CCDC47: variants seen among roughly 807,000 people sequenced by gnomAD.
The protein encoded by CCDC47 is PAT complex subunit CCDC47.
CCDC47 carries 41 observed loss-of-function variants against 60.5 expected under a neutral mutation model. That is an observed-to-expected ratio of 0.68 (90% CI 0.53 to 0.88). CCDC47 has a LOEUF of 0.88. Among genes scored for constraint, CCDC47 ranks in the 40% least tolerant of loss-of-function variants. CCDC47 has a pLI of 0.00. For missense variants in CCDC47, 513 were observed against 580.9 expected, an observed-to-expected ratio of 0.88 and a Z score of 1.20; for synonymous variants, 195 against 190.7, an observed-to-expected ratio of 1.02 and a Z score of -0.18.
Position 63,766,084 on chromosome 17 carries a change from A to G in CCDC47, c.92T>C (p.Ile31Thr). 6.2e-7 allele frequency: 1 copy of G among 1,614,062 alleles called. No individual in the cohort carries two copies. The highest frequency in any genetic ancestry group is 1.1e-5 in the South Asian group (1 of 91,076). ...GAAGTCATTATCATCATACTCTACT[A>G]TGTCCTCCTCATCCTCAAAATCATC... ...KFDDFEDEEDIVEYDDNDFAE... is the reference protein window; with the variant it reads ...KFDDFEDEEDTVEYDDNDFAE... Residue 31 changes from isoleucine (I) to threonine (T), a missense_variant, in exon 2 of 13, where the codon ATA (isoleucine) becomes ACA (threonine). Transcript: ENST00000225726.
intron 6 of CCDC47, among the ~76,000 whole-genome samples, chr17:63,759,980 CT>C (rs988596778): frequency 2.0e-3 from 284 of 144,106 alleles, no homozygotes; most frequent in African/African-American, 7.0e-3. Context: ...AGGAGAATTA[CT>C]TGAATCCAGG....
chr17:63,767,543 G>A (rs1848463949), intron 1 of CCDC47, among the ~76,000 whole-genome samples: 1 of 151,964 alleles, frequency 6.6e-6, no homozygotes, highest in South Asian at 2.1e-4. Flanking sequence ...CATTTAGGCT[G>A]TATTTCCAGT....
At chr17:63,751,639 T>C in intron 12 of CCDC47, 1 of 529,540 alleles carries the variant, frequency 1.9e-6, no homozygotes, top group East Asian at 2.9e-5. Flanking sequence ...TCTATTAAAA[T>C]TTCTAACTTC....
chr17:63,756,391 T>C (rs2039207140), intron 7 of CCDC47, 41 bp from the exon 8 acceptor site: 1 of 1,590,380 alleles, frequency 6.3e-7, no homozygotes, highest in East Asian at 2.2e-5. Flanking sequence ...TGACCTTTTA[T>C]TATGCAATGA....
intron 12 of CCDC47, among the ~76,000 whole-genome samples, chr17:63,750,785 C>A (rs1366573918): frequency 1.3e-5 from 2 of 151,952 alleles, no homozygotes; most frequent in Non-Finnish European, 2.9e-5. Context: ...GACGGGGTTT[C>A]AGCATGTTGG....
intron 9 of CCDC47, chr17:63,753,654 C>T: frequency 1.0e-6 from 1 of 982,456 alleles, no homozygotes; most frequent in Non-Finnish European, 1.2e-6. Flanking sequence ...TACTATAAAG[C>T]TAGAAACCCT....
chr17:63,763,931 G>A (rs898568769), intron 4 of CCDC47, 85 bp downstream of exon 4: 6 of 1,027,668 alleles, frequency 5.8e-6, no homozygotes, highest in Non-Finnish European at 7.9e-6. Context: ...CATGAAAGCA[G>A]TTAGATGCTT....
rs181719929 is a variant in CCDC47 at position 63,751,705 on chromosome 17, G to T, written c.1371+235C>A. ...ATAATGGAATTTTCAAAATGAAATT[G>T]TGCTGGGGGAACAGGATAATACTGA... On this transcript the variant is annotated intron_variant, in intron 12 of 12. Coordinates refer to ENST00000225726, the MANE Select transcript of CCDC47 (RefSeq NM_020198.3). 30 of 580,812 alleles carry T rather than the reference G, an allele frequency of 5.2e-5. No homozygotes were observed. In the African/African-American group the frequency reaches 5.2e-4, roughly 10 times the overall value. The allele number at this position is 580,812 out of a possible 1,614,324, so 36.0% of individuals were successfully genotyped here. A position where few individuals can be genotyped will look rare whatever the true frequency, so the allele number is the denominator to read the frequency against.
chr17:63,759,490 CA>C lies in CCDC47; in HGVS notation c.735+1423del, dbSNP rs1161033742. Reference sequence around the variant, plus strand: ...GGTGATAGAGTGAGATTCTGTCTCCCAAAAAAAAAAAAAAAAAAATATATAT... The same window carrying C: ...GGTGATAGAGTGAGATTCTGTCTCCCAAAAAAAAAAAAAAAAAATATATAT... On this transcript the variant is annotated intron_variant, in intron 6 of 12. Coordinates refer to ENST00000225726, the MANE Select transcript of CCDC47 (RefSeq NM_020198.3). 8.7e-3 allele frequency among the ~76,000 whole-genome samples: 47 copies of C among 5,372 alleles called. 1 individual carries two copies. Among genetic ancestry groups the C allele is most frequent in the African/African-American group, 0.06 (23 of 386 alleles). The allele number at this position is 5,372 out of a possible 152,430, so 3.5% of individuals were successfully genotyped here.
In CCDC47 at chr17:63,762,213, C is replaced by T. The variant is rs1246234993; in HGVS notation, c.548-862G>A. ...CATTAAGTATACAAAAGAAATTGCT[C>T]AACCTCACAAGGGAAAACGGACTGA... On this transcript the variant is annotated intron_variant, in intron 4 of 12. Coordinates refer to ENST00000225726, the MANE Select transcript of CCDC47 (RefSeq NM_020198.3). 24 of 985,382 alleles carry T rather than the reference C, an allele frequency of 2.4e-5. 1 individual carries two copies. The Middle Eastern group carries it at 1.6e-3, about 64-fold the overall frequency. The allele number at this position is 985,382 out of a possible 1,614,324, so 61.0% of individuals were successfully genotyped here. A position where few individuals can be genotyped will look rare whatever the true frequency, so the allele number is the denominator to read the frequency against.
intron 1 of CCDC47, among the ~76,000 whole-genome samples, chr17:63,770,693 A>G (rs973105648): frequency 2.0e-5 from 3 of 152,124 alleles, no homozygotes; most frequent in Non-Finnish European, 2.9e-5. Context: ...AAGAAATTAA[A>G]TGCTCTTAAA....
chr17:63,747,584 C>CT lies in CCDC47; in HGVS notation c.1372-624dup, dbSNP rs1352566151. 3 of 984,860 alleles carry CT rather than the reference C, an allele frequency of 3.0e-6. No individual in the cohort carries two copies. The African/African-American group carries it at 5.2e-5, about 17-fold the overall frequency. 61.0% of individuals were successfully genotyped at this position (984,860 alleles called of 1,614,324 possible). On this transcript the variant is annotated intron_variant, in intron 12 of 12. Transcript: ENST00000225726. ...TATTATTACGTGGACTGATAGAAGC[C>CT]TTAGAGGTCAAGTCAAAGTATGACT...
intron 12 of CCDC47, among the ~76,000 whole-genome samples, chr17:63,750,035 T>A (rs1334278697): frequency 1.3e-5 from 2 of 152,126 alleles, no homozygotes; most frequent in Non-Finnish European, 1.5e-5. Context: ...GGTGGGTTGT[T>A]CTATTGAGTT....
At chr17:63,754,739 C>T (rs6504183) in intron 8 of CCDC47, among the ~76,000 whole-genome samples, 105,427 of 151,604 alleles carry the variant, frequency 0.7, 37,925 homozygotes, top group African/African-American at 0.9. Context: ...AAAAATTAGC[C>T]GGGCATGGTG....
At chr17:63,757,692 A>G (rs1434276257) in intron 6 of CCDC47, among the ~76,000 whole-genome samples, 3 of 152,246 alleles carry the variant, frequency 2.0e-5, no homozygotes, top group African/African-American at 7.2e-5. Flanking sequence ...AAAAATAAAC[A>G]AAACCTAAAT....
In CCDC47 at chr17:63,756,247, T is replaced by G. The variant is rs1451533874; in HGVS notation, c.941A>C (p.Asp314Ala). The change falls in exon 8 of 13, where the codon GAT (aspartate) becomes GCT (alanine). Residue 314 changes from aspartate (D) to alanine (A), a missense_variant. Physicochemically the swap from Asp to Ala is moderately radical, Grantham distance 126. Coordinates refer to ENST00000225726, the MANE Select transcript of CCDC47 (RefSeq NM_020198.3). ...EMGEVTDGMM[D>A]TKMVHFLTHY... ...GTCTTCTGTCGCATTTACCTTTGTA[T>G]CCATCATTCCGTCTGTGACTTCTCC... is the stretch of plus-strand genomic sequence containing the variant. The G allele has an allele frequency of 6.2e-7, 1 of 1,610,988 alleles. No individual in the cohort carries two copies. Among genetic ancestry groups the G allele is most frequent in the South Asian group, 1.1e-5 (1 of 91,032 alleles).
Position 63,759,598 on chromosome 17 carries a change from A to G in CCDC47, c.735+1316T>C, listed in dbSNP as rs533896853. 7.7e-5 allele frequency among the ~76,000 whole-genome samples: 10 copies of G among 130,240 alleles called. 1 individual carries two copies. In the South Asian group the frequency reaches 2.6e-3, roughly 34 times the overall value. 85.4% of individuals were successfully genotyped at this position (130,240 alleles called of 152,430 possible). ...ATATAAAACAATGATTTTCAATCCA[A>G]TAACATTTGAAAGTACCCAATTTAC... On this transcript the variant is annotated intron_variant, in intron 6 of 12. Coordinates refer to ENST00000225726, the MANE Select transcript of CCDC47 (RefSeq NM_020198.3).
Position 63,752,377 on chromosome 17 carries a change from C to G in CCDC47, c.1146G>C (p.Leu382=). The change falls in exon 11 of 13, where the codon CTG becomes CTC. Residue 382 remains leucine, a synonymous_variant. Transcript: ENST00000225726. ...YPKDMEALLP[L]MNMVIYSIDK... is the part of the protein sequence containing the mutation. ...CAATAGAATAAATCACCATGTTCAT[C>G]AGGGGTAGCAGTGCCTCCATATCCT... 2.5e-6 allele frequency: 4 copies of G among 1,614,008 alleles called. No individual in the cohort carries two copies. The highest frequency in any genetic ancestry group is 3.4e-6 in the Non-Finnish European group (4 of 1,179,954).
Position 63,759,957 on chromosome 17 carries a change from G to A in CCDC47, c.735+957C>T, listed in dbSNP as rs1451340261. ...CGGACGCCTGTAGTCCCAGCTACTC[G>A]GGAGGCTGAGGCAGGAGAATTACTT... On this transcript the variant is annotated intron_variant, in intron 6 of 12. Coordinates refer to ENST00000225726, the MANE Select transcript of CCDC47 (RefSeq NM_020198.3). 6.6e-5 allele frequency among the ~76,000 whole-genome samples: 10 copies of A among 151,282 alleles called. No individual in the cohort carries two copies. In the East Asian group the frequency reaches 1.2e-3, roughly 18 times the overall value.
Sources: allele counts gnomAD v4.1 joint callset (sites outside exome capture counted in the v4.1 genomes callset), GRCh38; gene constraint gnomAD v4.1.1; transcripts MANE v1.5; gene names NCBI Gene and HGNC (gene_info 2026-07-23, HGNC 2026-07-21).